Variants in ACSL4 observed in about 807,000 individuals in gnomAD.
ACSL4 encodes long-chain-fatty-acid--CoA ligase 4.
Under a neutral mutation model 49.1 loss-of-function variants are expected in ACSL4, and 9 were observed. The observed-to-expected ratio is 0.18, with a 90% CI of 0.11 to 0.32. The LOEUF (loss-of-function observed/expected upper bound fraction) is 0.32. Ranked by LOEUF, ACSL4 falls within the 10% of genes least tolerant of loss-of-function variation. The pLI is 1.00. For synonymous variants in ACSL4, 191 were observed against 170.3 expected (o/e 1.12, Z -0.95); for missense variants, 333 against 493.7 (o/e 0.67, Z 3.08).
chrX:109,698,984 C>T (rs1042054939), intron 1 of ACSL4, among the ~76,000 whole-genome samples: 1 of 112,479 alleles, frequency 8.9e-6, no homozygotes, highest in African/African-American at 3.2e-5. Context: ...GTTTCAAGCA[C>T]GAAGAATCAT....
At chrX:109,667,086 T>C (rs1922713318) in intron 11 of ACSL4, among the ~76,000 whole-genome samples, 1 of 112,698 alleles carries the variant, frequency 8.9e-6, no homozygotes, top group African/African-American at 3.2e-5. Context: ...ACTTTAAGGA[T>C]GGTATCACCA....
intron 2 of ACSL4, among the ~76,000 whole-genome samples, chrX:109,686,776 G>GCA (rs35736807): frequency 0.062 from 6,132 of 98,582 alleles, 391 homozygotes; most frequent in African/African-American, 0.18. Context: ...ACACACGCAT[G>GCA]CACACACACA....
Position 109,703,574 on chromosome X carries a change from T to G in ACSL4, c.-65-7378A>C, listed in dbSNP as rs779789760. Among the ~76,000 whole-genome samples the G allele has an allele frequency of 4.2e-4, 47 of 112,285 alleles. 1 individual carries two copies. The highest frequency in any genetic ancestry group is 8.3e-4 in the Non-Finnish European group (44 of 53,299). On this transcript the variant is annotated intron_variant, in intron 1 of 15. Transcript: ENST00000672401. ...CTCCTCCAATACTGGATTGAACTGT[T>G]TGATAGATACCAAAAACACTGTCTT...
At chrX:109,676,473 C>T (rs895223746) in intron 8 of ACSL4, among the ~76,000 whole-genome samples, 2 of 111,367 alleles carry the variant, frequency 1.8e-5, no homozygotes, top group Middle Eastern at 4.7e-3. Context: ...TGGTGGGGGG[C>T]GGTCTGAAAA....
intron 2 of ACSL4, among the ~76,000 whole-genome samples, chrX:109,688,128 C>T (rs750670268): frequency 1.9e-4 from 21 of 112,196 alleles, no homozygotes; most frequent in Admixed American, 1.6e-3. Context: ...ACCAACATTC[C>T]TCATCCAGAC....
Position 109,644,190 on chromosome X carries a change from A to C in ACSL4, c.1856-4T>G. The C allele has an allele frequency of 1.7e-6, 2 of 1,203,109 alleles. No individual in the cohort carries two copies. Among genetic ancestry groups the C allele is most frequent in the South Asian group, 3.6e-5 (2 of 56,218 alleles). On this transcript the variant is annotated splice_polypyrimidine_tract_variant and splice_region_variant and intron_variant, in intron 15 of 15. Coordinates refer to ENST00000672401, the MANE Select transcript of ACSL4 (RefSeq NM_001318510.2). ...ATTTCAAATCGCTCCAATTTCACTG[A>C]AATTAGAAGTGAAAGATGGGAGAAA...
Position 109,659,466 on chromosome X carries a change from C to A in ACSL4, c.1743G>T (p.Arg581Ser). The A allele has an allele frequency of 8.3e-7, 1 of 1,206,241 alleles. No homozygotes were observed. Among genetic ancestry groups the A allele is most frequent in the African/African-American group, 1.7e-5 (1 of 57,513 alleles). The change falls in exon 15 of 16, where the codon AGG becomes AGT. Residue 581 changes from arginine (R) to serine (S), a missense_variant. This residue lies in a region of ACSL4 where 175 missense variants were observed against 275.8 expected (regional missense o/e 0.63). Coordinates refer to ENST00000672401, the MANE Select transcript of ACSL4 (RefSeq NM_001318510.2). ...VISFVVPNQK[R>S]LTLLAQQKGV... ...CTTTCTGTTGTGCCAAAAGTGTCAA[C>A]CTTTTCTGGTTAGGAACCACAAAAC...
chrX:109,650,833 A>AT (rs1261010287), intron 15 of ACSL4, among the ~76,000 whole-genome samples: 8 of 111,922 alleles, frequency 7.1e-5, no homozygotes, highest in African/African-American at 2.3e-4. Context: ...AAGGTCTTTG[A>AT]TTTTTTCACT....
At chrX:109,644,863 C>T (rs1169444918) in intron 15 of ACSL4, among the ~76,000 whole-genome samples, 2 of 113,353 alleles carry the variant, frequency 1.8e-5, no homozygotes, top group African/African-American at 3.2e-5. Flanking sequence ...CATTGCCTCA[C>T]TCGGGAAGCA....
At chrX:109,720,056 AG>A (rs912719887) in intron 1 of ACSL4, among the ~76,000 whole-genome samples, 1 of 111,864 alleles carries the variant, frequency 8.9e-6, no homozygotes, top group Non-Finnish European at 1.9e-5. Flanking sequence ...ATGGTGGCAC[AG>A]GCTTGTAATC....
rs761873052 is a variant in ACSL4 at position 109,671,425 on chromosome X, G to A, written c.1003-2252C>T. ...GCCCGGGAGCTGGGGGGCAGCCCCCGCCTGGCCAGCCACCCCATCCGGGAG... is the reference window on the plus strand; with the variant it reads ...GCCCGGGAGCTGGGGGGCAGCCCCCACCTGGCCAGCCACCCCATCCGGGAG... On this transcript the variant is annotated intron_variant, in intron 9 of 15. Coordinates refer to ENST00000672401, the MANE Select transcript of ACSL4 (RefSeq NM_001318510.2). 5.4e-3 allele frequency among the ~76,000 whole-genome samples: 591 copies of A among 109,372 alleles called. 6 individuals carry two copies. The highest frequency in any genetic ancestry group is 0.017 in the African/African-American group (505 of 30,038). The allele number at this position is 109,372 out of a possible 115,157, so 95.0% of individuals were successfully genotyped here.
chrX:109,662,166 T>C (rs1285275421), intron 13 of ACSL4, among the ~76,000 whole-genome samples: 2 of 111,496 alleles, frequency 1.8e-5, no homozygotes, highest in Non-Finnish European at 3.8e-5. Flanking sequence ...TGACATTATC[T>C]TGTTAAAATG....
At chrX:109,670,689 T>C (rs1261364430) in intron 9 of ACSL4, among the ~76,000 whole-genome samples, 2 of 110,449 alleles carry the variant, frequency 1.8e-5, no homozygotes, top group Admixed American at 1.9e-4. Context: ...GAGGCTGGAC[T>C]GTACTGCCGC....
chrX:109,701,936 G>A lies in ACSL4; in HGVS notation c.-65-5740C>T, dbSNP rs1202509663. ...AAAAAAAAAAAAAACTGGGCCAGGC[G>A]TGGTGGCTCACGCCTGTAATCCCAA... On this transcript the variant is annotated intron_variant, in intron 1 of 15. Transcript: ENST00000672401. Among the ~76,000 whole-genome samples the A allele has an allele frequency of 1.1e-4, 11 of 102,311 alleles. No individual in the cohort carries two copies. The South Asian group carries it at 2.8e-3, about 26-fold the overall frequency. 88.8% of individuals were successfully genotyped at this position (102,311 alleles called of 115,157 possible). A position where few individuals can be genotyped will look rare whatever the true frequency, so the allele number is the denominator to read the frequency against.
intron 1 of ACSL4, among the ~76,000 whole-genome samples, chrX:109,713,818 T>C (rs755541621): frequency 4.5e-5 from 5 of 111,998 alleles, no homozygotes; most frequent in Non-Finnish European, 9.4e-5. Flanking sequence ...CCACATAACA[T>C]TTCAGTCAAT....
intron 9 of ACSL4, among the ~76,000 whole-genome samples, chrX:109,672,758 C>A (rs144657121): frequency 9.2e-6 from 1 of 108,951 alleles, no homozygotes; most frequent in Non-Finnish European, 1.9e-5. Flanking sequence ...ATCTCGAGGC[C>A]GCAAGACATA....
intron 1 of ACSL4, among the ~76,000 whole-genome samples, chrX:109,729,503 C>T (rs771439131): frequency 3.5e-4 from 39 of 111,786 alleles, no homozygotes; most frequent in Non-Finnish European, 5.6e-4. Context: ...AATGGTACAG[C>T]CACTCTGGAA....
intron 2 of ACSL4, among the ~76,000 whole-genome samples, chrX:109,687,853 C>T (rs1490568447): frequency 8.9e-6 from 1 of 111,980 alleles, no homozygotes; most frequent in Non-Finnish European, 1.9e-5. Context: ...GGCAATCATA[C>T]TCAGTCCCTC....
chrX:109,686,914 A>G (rs1032614723), intron 2 of ACSL4, among the ~76,000 whole-genome samples: 3 of 111,525 alleles, frequency 2.7e-5, no homozygotes, highest in African/African-American at 9.8e-5. Flanking sequence ...TGGGTCATCC[A>G]TTTGAATAAA....
Sources: allele counts gnomAD v4.1 joint callset (sites outside exome capture counted in the v4.1 genomes callset), GRCh38; gene constraint gnomAD v4.1.1; regional missense constraint gnomAD v4.1.1; transcripts MANE v1.5; gene names NCBI Gene and HGNC (gene_info 2026-07-23, HGNC 2026-07-21).